CACNG3: variants seen among roughly 807,000 people sequenced by gnomAD.
CACNG3 encodes the protein calcium voltage-gated channel auxiliary subunit gamma 3, also known as voltage-dependent calcium channel gamma-3 subunit.
A neutral mutation model predicts 28.5 loss-of-function variants in CACNG3; 3 were observed. The observed-to-expected ratio is 0.11, with a 90% CI of 0.05 to 0.27. The LOEUF (loss-of-function observed/expected upper bound fraction) is 0.27. Ranked by LOEUF, CACNG3 falls within the 10% of genes least tolerant of loss-of-function variation. The probability of loss-of-function intolerance (pLI) is 1.00; values close to 1 mark genes in which losing one functional copy is unlikely to be tolerated. For synonymous variants in CACNG3, 174 were observed against 162.2 expected, an observed-to-expected ratio of 1.07 and a Z score of -0.55; for missense variants, 236 against 414.4, an observed-to-expected ratio of 0.57 and a Z score of 3.74.
chr16:24,334,280 A>G (rs1417462460), intron 1 of CACNG3, among the ~76,000 whole-genome samples: 1 of 152,070 alleles, frequency 6.6e-6, no homozygotes, highest in Non-Finnish European at 1.5e-5. Flanking sequence ...GCTGAGATGG[A>G]TGTCAAGCTC....
intron 1 of CACNG3, among the ~76,000 whole-genome samples, chr16:24,258,685 T>C (rs909289890): frequency 6.6e-5 from 10 of 152,314 alleles, no homozygotes; most frequent in African/African-American, 2.4e-4. Context: ...AGGAATTGAA[T>C]TATCTTTTGT....
At chr16:24,347,672 A>T (rs1294888677) in intron 2 of CACNG3, among the ~76,000 whole-genome samples, 1 of 152,190 alleles carries the variant, frequency 6.6e-6, no homozygotes, top group Non-Finnish European at 1.5e-5. Flanking sequence ...GACAGAGCCA[A>T]TGTCTCTGTA....
intron 1 of CACNG3, among the ~76,000 whole-genome samples, chr16:24,274,240 G>C (rs1399498487): frequency 6.6e-6 from 1 of 151,682 alleles, no homozygotes; most frequent in Non-Finnish European, 1.5e-5. Flanking sequence ...AGATTGCTTG[G>C]GCTCAAATCT....
chr16:24,326,896 A>T (rs929875982), intron 1 of CACNG3, among the ~76,000 whole-genome samples: 6 of 151,994 alleles, frequency 3.9e-5, no homozygotes, highest in Admixed American at 1.3e-4. Context: ...ACACGCCATG[A>T]TCTCGCTCCC....
chr16:24,360,800 T>C (rs1009130680), intron 3 of CACNG3, among the ~76,000 whole-genome samples: 1 of 152,336 alleles, frequency 6.6e-6, no homozygotes, highest in African/African-American at 2.4e-5. Flanking sequence ...CAGTCTTTCA[T>C]CTCCTGGCTC....
rs199880368 is a variant in CACNG3, at chr16:24,354,901, G to A, written c.364G>A (p.Val122Met). Reference sequence around the variant, plus strand: ...GCTGCTGTTCTTCGGCGGGCTCTGCGTGGCAGCCAGTGAGTTCCACCGCAG... The same window carrying A: ...GCTGCTGTTCTTCGGCGGGCTCTGCATGGCAGCCAGTGAGTTCCACCGCAG... ...VTLLFFGGLC[V>M]AASEFHRSRH... The change falls in exon 3 of 4, where the codon GTG (valine) becomes ATG (methionine). Residue 122 changes from valine (V) to methionine (M), a missense_variant. Physicochemically the swap from Val to Met is conservative, Grantham distance 21. Transcript: ENST00000005284. 3.7e-5 allele frequency: 60 copies of A among 1,612,320 alleles called. No individual in the cohort carries two copies. The highest frequency in any genetic ancestry group is 9.9e-5 in the South Asian group (9 of 90,998).
At chr16:24,311,934 C>T (rs368273657) in intron 1 of CACNG3, among the ~76,000 whole-genome samples, 67 of 152,240 alleles carry the variant, frequency 4.4e-4, no homozygotes, top group Non-Finnish European at 7.6e-4. Context: ...CCAGGACTAT[C>T]GTCCACAGAC....
intron 1 of CACNG3, among the ~76,000 whole-genome samples, chr16:24,339,089 G>A (rs1899747514): frequency 6.6e-6 from 1 of 150,638 alleles, no homozygotes; most frequent in African/African-American, 2.4e-5. Flanking sequence ...ATTTTTGGTG[G>A]TGGGGAAAGC....
chr16:24,354,849 C>T lies in CACNG3; in HGVS notation c.312C>T (p.Ser104=). The change falls in exon 3 of 4, where the codon TCC becomes TCT. Residue 104 remains serine (S), a synonymous_variant. Transcript: ENST00000005284. The part of the protein sequence containing the change: ...AEYLLRAVRA[S]SVFPILSVTL... ...TCTCCGCAGGAGCTGTGAGGGCCTC[C>T]AGTGTCTTCCCCATCCTCAGTGTCA... 1 of 1,612,204 alleles carries T rather than the reference C, an allele frequency of 6.2e-7. No homozygotes were observed. Among genetic ancestry groups the T allele is most frequent in the Non-Finnish European group, 8.5e-7 (1 of 1,179,972 alleles).
intron 1 of CACNG3, among the ~76,000 whole-genome samples, chr16:24,321,670 G>GA (rs1225141338): frequency 2.0e-5 from 3 of 152,018 alleles, no homozygotes; most frequent in Admixed American, 6.6e-5. Flanking sequence ...ACTTACAAAA[G>GA]AAAAGAAAAT....
rs543928244 is a variant in CACNG3, at chr16:24,332,743, A to G, written c.212-13991A>G. ...TGTCTTAATATGAATATGTGCATTC[A>G]TGACCGGACCAGTTATAAAATCATT... is the stretch of plus-strand genomic sequence containing the variant. On this transcript the variant is annotated intron_variant, in intron 1 of 3. Transcript: ENST00000005284. Among the ~76,000 whole-genome samples, 127 of 152,194 alleles carry G rather than the reference A, an allele frequency of 8.3e-4. 1 individual carries two copies. The highest frequency in any genetic ancestry group is 2.1e-3 in the Admixed American group (32 of 15,286).
intron 1 of CACNG3, among the ~76,000 whole-genome samples, chr16:24,300,185 T>C (rs1165926494): frequency 1.3e-5 from 2 of 152,204 alleles, no homozygotes; most frequent in Non-Finnish European, 2.9e-5. Flanking sequence ...GACTAAGGCC[T>C]TTTGATCTAA....
chr16:24,351,665 A>AGAAAGAAAGAAAGAAAGAAAGAAG lies in CACNG3; in HGVS notation c.296-3149_296-3148insAGAAGGAAAGAAAGAAAGAAAGAA, dbSNP rs1490542254. 2.4e-3 allele frequency among the ~76,000 whole-genome samples: 313 copies of AGAAAGAAAGAAAGAAAGAAAGAAG among 128,978 alleles called. 1 individual carries two copies. Among genetic ancestry groups the AGAAAGAAAGAAAGAAAGAAAGAAG allele is most frequent in the African/African-American group, 0.011 (300 of 27,674 alleles). The allele number at this position is 128,978 out of a possible 152,430, so 84.6% of individuals were successfully genotyped here. On this transcript the variant is annotated intron_variant, in intron 2 of 3. Transcript: ENST00000005284. ...AAGGGGAGGGGGAAAGACAGACGAA[A>AGAAAGAAAGAAAGAAAGAAAGAAG]GAAAGAAAGAAAGAAAGAAGGAAAG...
intron 2 of CACNG3, among the ~76,000 whole-genome samples, chr16:24,353,260 C>T (rs918519534): frequency 6.6e-5 from 10 of 152,226 alleles, no homozygotes; most frequent in Admixed American, 3.3e-4. Context: ...CAGGCTTGAG[C>T]CACCATGCCT....
At chr16:24,301,418 A>G (rs1209451741) in intron 1 of CACNG3, among the ~76,000 whole-genome samples, 1 of 152,176 alleles carries the variant, frequency 6.6e-6, no homozygotes, top group East Asian at 1.9e-4. Flanking sequence ...TAACTCTGGA[A>G]CTGAACAAAC....
intron 1 of CACNG3, among the ~76,000 whole-genome samples, chr16:24,268,974 C>T (rs375214100): frequency 3.3e-5 from 5 of 152,288 alleles, no homozygotes; most frequent in African/African-American, 1.2e-4. Context: ...GGTTCTCATG[C>T]AGCACTCAGA....
intron 1 of CACNG3, among the ~76,000 whole-genome samples, chr16:24,299,241 T>C (rs1899074532): frequency 6.6e-6 from 1 of 152,224 alleles, no homozygotes; most frequent in Admixed American, 6.5e-5. Context: ...TACATCAGTA[T>C]GGACTCAGAC....
intron 1 of CACNG3, among the ~76,000 whole-genome samples, chr16:24,263,363 A>G (rs1567205983): frequency 6.6e-6 from 1 of 152,178 alleles, no homozygotes; most frequent in Non-Finnish European, 1.5e-5. Flanking sequence ...GACATGAGCT[A>G]TGTATTTTAG....
intron 1 of CACNG3, among the ~76,000 whole-genome samples, chr16:24,344,424 A>T (rs1295182671): frequency 6.8e-6 from 1 of 146,490 alleles, no homozygotes; most frequent in African/African-American, 2.5e-5. Context: ...AAAAAAAAAA[A>T]TGCATAAATG....
Sources: allele counts gnomAD v4.1 joint callset (sites outside exome capture counted in the v4.1 genomes callset), GRCh38; gene constraint gnomAD v4.1.1; transcripts MANE v1.5; gene names NCBI Gene and HGNC (gene_info 2026-07-23, HGNC 2026-07-21).